DPH7: variants seen among roughly 807,000 people sequenced by gnomAD.
The protein encoded by DPH7 is diphthamide biosynthesis 7.
A neutral mutation model predicts 41.7 loss-of-function variants in DPH7; 44 were observed. The observed-to-expected ratio is 1.05, with a 90% confidence interval of 0.83 to 1.36. The LOEUF (loss-of-function observed/expected upper bound fraction) is 1.36. Among genes scored for constraint, DPH7 ranks in the 40% most tolerant of loss-of-function variants. The pLI is 0.00. For synonymous variants in DPH7, 275 were observed against 238.0 expected, an observed-to-expected ratio of 1.16 and a Z score of -1.43; for missense variants, 629 against 577.5, an observed-to-expected ratio of 1.09 and a Z score of -0.91.
chr9:137,571,862 G>C (rs1049289138), intron 5 of DPH7, among the ~76,000 whole-genome samples: 3 of 152,130 alleles, frequency 2.0e-5, no homozygotes, highest in African/African-American at 4.8e-5. Context: ...GTTTGCTAAA[G>C]TATTCTAATC....
chr9:137,563,563 C>A (rs113256242), intron 8 of DPH7, among the ~76,000 whole-genome samples: 10 of 150,510 alleles, frequency 6.6e-5, no homozygotes, highest in African/African-American at 1.7e-4. Flanking sequence ...GAATACCATG[C>A]GGAAATCGAG....
intron 7 of DPH7, 22 bp downstream of exon 7, chr9:137,564,871 C>G: frequency 6.3e-7 from 1 of 1,580,752 alleles, no homozygotes; most frequent in Non-Finnish European, 8.6e-7. Flanking sequence ...GAGAAGGGCC[C>G]GAGAGCCTCC....
In DPH7 at chr9:137,576,135, A is replaced by G; in HGVS notation, c.320T>C (p.Leu107Ser). The G allele has an allele frequency of 1.2e-6, 2 of 1,613,868 alleles. No individual in the cohort carries two copies. Among genetic ancestry groups the G allele is most frequent in the Non-Finnish European group, 1.7e-6 (2 of 1,180,030 alleles). The change falls in exon 3 of 9, where the codon TTG (leucine) becomes TCG (serine). Residue 107 changes from leucine to serine, a missense_variant. Physicochemically the swap from Leu to Ser is moderately radical, Grantham distance 145. Coordinates refer to ENST00000277540, the MANE Select transcript of DPH7 (RefSeq NM_138778.5). ...GGATCCACTGGCATCTGCCAAGCCC[A>G]AGAGGGCATGTCCAGCCACCGGGAT... is the stretch of plus-strand genomic sequence containing the variant. Reference protein sequence around the residue: ...CHIPVAGHALLGLADASGSIQ... With the variant: ...CHIPVAGHALSGLADASGSIQ...
intron 3 of DPH7, chr9:137,575,487 T>A: frequency 3.0e-6 from 3 of 990,586 alleles, no homozygotes; most frequent in Non-Finnish European, 3.6e-6. Context: ...GCAACTGCTC[T>A]AAGCTGCCTT....
At chr9:137,571,653 C>T (rs1021658614) in intron 5 of DPH7, among the ~76,000 whole-genome samples, 41 of 151,720 alleles carry the variant, frequency 2.7e-4, no homozygotes, top group African/African-American at 9.0e-4. Context: ...CCGGGCATGG[C>T]GGCAGGTGCC....
At chr9:137,569,398 A>G (rs1396006497) in intron 5 of DPH7, among the ~76,000 whole-genome samples, 1 of 92,108 alleles carries the variant, frequency 1.1e-5, no homozygotes, top group East Asian at 3.7e-4. Flanking sequence ...CCCACCACCC[A>G]CCATCCAAAA....
At chr9:137,576,381 A>T in intron 2 of DPH7, 1 of 558,110 alleles carries the variant, frequency 1.8e-6, no homozygotes, top group Non-Finnish European at 3.2e-6. Flanking sequence ...CAAGTGTGAC[A>T]CAACAGGAAG....
intron 3 of DPH7, 39 bp downstream of exon 3, chr9:137,576,041 G>C (rs1364211787): frequency 6.8e-6 from 11 of 1,613,264 alleles, no homozygotes; most frequent in Non-Finnish European, 8.5e-6. Flanking sequence ...TCTCTATTCA[G>C]GTCCCTTCTG....
Position 137,578,843 on chromosome 9 carries a change from G to A in DPH7, c.-66C>T. 1 of 1,328,612 alleles carries A rather than the reference G, an allele frequency of 7.5e-7. No individual in the cohort carries two copies. Among genetic ancestry groups the A allele is most frequent in the Admixed American group, 4.1e-5 (1 of 24,270 alleles). 82.3% of individuals were successfully genotyped at this position (1,328,612 alleles called of 1,614,324 possible). On this transcript the variant is annotated 5_prime_UTR_variant, in exon 1 of 9. Transcript: ENST00000277540. Reference sequence around the variant, plus strand: ...GGTCGGCGGGGCCGGGCTGGGTACTGCGCGGGGCGGCGAGGCCGGGGCCGG... The same window carrying A: ...GGTCGGCGGGGCCGGGCTGGGTACTACGCGGGGCGGCGAGGCCGGGGCCGG...
chr9:137,574,102 A>T lies in DPH7; in HGVS notation c.640+106T>A, dbSNP rs753622229. 2.3e-4 allele frequency: 289 copies of T among 1,240,908 alleles called. 1 individual carries two copies. The highest frequency in any genetic ancestry group is 1.7e-3 in the Admixed American group (80 of 45,786). 76.9% of individuals were successfully genotyped at this position (1,240,908 alleles called of 1,614,324 possible). A position where few individuals can be genotyped will look rare whatever the true frequency, so the allele number is the denominator to read the frequency against. ...ACACTTTCCATAAAAGGTCTTCAAG[A>T]TCCCAACATAACTGGAATCACAGCT... On this transcript the variant is annotated intron_variant, in intron 5 of 8. Transcript: ENST00000277540.
At chr9:137,574,929 C>A in intron 3 of DPH7, 86 bp from the exon 4 acceptor site, 1 of 1,584,058 alleles carries the variant, frequency 6.3e-7, no homozygotes. Context: ...GGGAAGTCAT[C>A]GTTCCCTCAT....
chr9:137,574,884 C>A (rs1210264605), intron 3 of DPH7, 41 bp from the exon 4 acceptor site: 2 of 1,609,314 alleles, frequency 1.2e-6, no homozygotes, highest in African/African-American at 2.7e-5. Context: ...GAAGTAGCCG[C>A]CCCAGAACCC....
rs1264328679 is a variant in DPH7, at chr9:137,575,904, G to A, written c.375+176C>T. 2.1e-6 allele frequency: 3 copies of A among 1,411,320 alleles called. No individual in the cohort carries two copies. The East Asian group carries it at 7.7e-5, about 36-fold the overall frequency. The allele number at this position is 1,411,320 out of a possible 1,614,324, so 87.4% of individuals were successfully genotyped here. ...CATGAGGTGACTTCCTCTTGGAGTT[G>A]GATGTAGAACGCAATACAACTTAAA... On this transcript the variant is annotated intron_variant, in intron 3 of 8. Transcript: ENST00000277540.
At chr9:137,559,333 T>C (rs1838100699) in intron 8 of DPH7, among the ~76,000 whole-genome samples, 1 of 152,160 alleles carries the variant, frequency 6.6e-6, no homozygotes, top group African/African-American at 2.4e-5. Context: ...AAGACGCCCG[T>C]TGCCAGGCGG....
At chr9:137,562,292 G>A (rs890888543) in intron 8 of DPH7, among the ~76,000 whole-genome samples, 3 of 152,106 alleles carry the variant, frequency 2.0e-5, no homozygotes, top group African/African-American at 4.8e-5. Flanking sequence ...ACACACGTCC[G>A]CAAGTGCACA....
intron 8 of DPH7, among the ~76,000 whole-genome samples, chr9:137,558,320 C>A (rs1837879600): frequency 1.3e-5 from 2 of 152,092 alleles, no homozygotes; most frequent in Non-Finnish European, 2.9e-5. Context: ...CTGCTTGTGT[C>A]CAGGTGGTCC....
intron 8 of DPH7, among the ~76,000 whole-genome samples, chr9:137,558,726 G>C (rs1486386199): frequency 6.6e-6 from 1 of 152,134 alleles, no homozygotes; most frequent in South Asian, 2.1e-4. Flanking sequence ...ACAGTATTTT[G>C]AATGTCTTCT....
At position 137,576,158 on chromosome 9, in the gene DPH7, G is replaced by A; in HGVS notation, c.297C>T (p.Ile99=). 1 of 1,613,762 alleles carries A rather than the reference G, an allele frequency of 6.2e-7. No homozygotes were observed. The highest frequency in any genetic ancestry group is 1.3e-5 in the African/African-American group (1 of 75,050). The part of the protein sequence containing the change: ...SAILDMKWCH[I]PVAGHALLGL... ...CCAAGAGGGCATGTCCAGCCACCGG[G>A]ATGTGACACCTGAGGAGAGGGCCCA... is the stretch of plus-strand genomic sequence containing the variant. The change falls in exon 3 of 9, where the codon ATC becomes ATT. Residue 99 remains isoleucine, a synonymous_variant. Transcript: ENST00000277540.
chr9:137,568,709 A>G (rs942549383), intron 5 of DPH7, among the ~76,000 whole-genome samples: 2 of 152,170 alleles, frequency 1.3e-5, no homozygotes, highest in African/African-American at 4.8e-5. Context: ...AGAGACTGGA[A>G]GCAGGAGGGG....
Sources: gnomAD v4.1 joint callset for allele counts (sites outside exome capture counted in the v4.1 genomes callset) on GRCh38, gnomAD v4.1.1 for gene constraint, MANE v1.5 for transcripts, NCBI Gene and HGNC (gene_info 2026-07-23, HGNC 2026-07-21) for gene names.